Variants in PAQR5 observed in about 807,000 individuals in gnomAD.
PAQR5 encodes progestin and adipoQ receptor family member 5, also known as membrane progestin receptor gamma.
A neutral mutation model predicts 34.5 loss-of-function variants in PAQR5; 20 were observed. The ratio of observed to expected loss-of-function variants is 0.58; its 90% confidence interval spans 0.41 to 0.84. PAQR5 has a LOEUF of 0.84. Among genes scored for constraint, PAQR5 ranks in the 40% least tolerant of loss-of-function variants. PAQR5 has a pLI of 0.00. For missense variants in PAQR5, 378 were observed against 412.7 expected (o/e 0.92, Z 0.73); for synonymous variants, 131 against 155.6 (o/e 0.84, Z 1.18).
intron 4 of PAQR5, chr15:69,380,341 G>A: frequency 4.1e-6 from 1 of 242,104 alleles, no homozygotes; most frequent in African/African-American, 2.2e-5. Flanking sequence ...CAGGAGCCCT[G>A]GTTAAAATGT....
In PAQR5 at chr15:69,403,981, A is replaced by G. The variant is rs958316366; in HGVS notation, c.*159A>G. ...GTCAAAAATGTTATTCAGCTGGGGAAATTTCTCTAAATGTACACTGATTCT... is the reference window on the plus strand; with the variant it reads ...GTCAAAAATGTTATTCAGCTGGGGAGATTTCTCTAAATGTACACTGATTCT... On this transcript the variant is annotated 3_prime_UTR_variant, in exon 9 of 9. Coordinates refer to ENST00000395407, the MANE Select transcript of PAQR5 (RefSeq NM_017705.4). 17 of 725,706 alleles carry G rather than the reference A, an allele frequency of 2.3e-5. No homozygotes were observed. In the Middle Eastern group the frequency reaches 1.2e-3, roughly 51 times the overall value. 45.0% of individuals were successfully genotyped at this position (725,706 alleles called of 1,614,324 possible). A position where few individuals can be genotyped will look rare whatever the true frequency, so the allele number is the denominator to read the frequency against.
intron 1 of PAQR5, among the ~76,000 whole-genome samples, chr15:69,330,724 T>C (rs545695551): frequency 6.6e-6 from 1 of 152,220 alleles, no homozygotes; most frequent in Non-Finnish European, 1.5e-5. Context: ...GCTCCAGGAA[T>C]GCTTGGGGAG....
In PAQR5 at chr15:69,346,895, C is replaced by T. The variant is rs534653586; in HGVS notation, c.-116+9394C>T. 5.7e-4 allele frequency among the ~76,000 whole-genome samples: 86 copies of T among 152,192 alleles called. 1 individual carries two copies. The South Asian group carries it at 0.017, about 31-fold the overall frequency. ...GCAGTGGTGCAATCTCCACTCACTG[C>T]AAACTCCGCCTCCTGGATTCAAGCA... On this transcript the variant is annotated intron_variant, in intron 2 of 8. Coordinates refer to ENST00000395407, the MANE Select transcript of PAQR5 (RefSeq NM_017705.4).
At chr15:69,335,246 C>CTTTT (rs368833153) in intron 1 of PAQR5, among the ~76,000 whole-genome samples, 3 of 127,942 alleles carry the variant, frequency 2.3e-5, no homozygotes, top group African/African-American at 8.7e-5. Context: ...GAAATTTTAG[C>CTTTT]TTTTTTTTTT....
chr15:69,397,517 G>C lies in PAQR5; in HGVS notation c.562G>C (p.Ala188Pro). The change falls in exon 7 of 9, where the codon GCC becomes CCC. Residue 188 changes from alanine (A) to proline (P), a missense_variant. Physicochemically the swap from Ala to Pro is conservative, Grantham distance 27. Coordinates refer to ENST00000395407, the MANE Select transcript of PAQR5 (RefSeq NM_017705.4). ...ACTCTGTAAGGTGATTCGTGTCCTC[G>C]CCTTTGCTTATCCGTACACCTGGGA... Reference protein sequence around the residue: ...PRLCKVIRVLAFAYPYTWDSL... With the variant: ...PRLCKVIRVLPFAYPYTWDSL... 1 of 1,613,884 alleles carries C rather than the reference G, an allele frequency of 6.2e-7. No homozygotes were observed. The highest frequency in any genetic ancestry group is 8.5e-7 in the Non-Finnish European group (1 of 1,179,782).
intron 2 of PAQR5, among the ~76,000 whole-genome samples, chr15:69,347,663 G>A (rs1044746297): frequency 6.6e-6 from 1 of 152,070 alleles, no homozygotes; most frequent in South Asian, 2.1e-4. Context: ...ATATCATAGC[G>A]AGTGACTCAT....
intron 3 of PAQR5, among the ~76,000 whole-genome samples, chr15:69,373,092 A>G (rs1025794307): frequency 6.6e-6 from 1 of 152,114 alleles, no homozygotes; most frequent in African/African-American, 2.4e-5. Flanking sequence ...GCAATGTTGC[A>G]TCTCTCTGAC....
intron 8 of PAQR5, among the ~76,000 whole-genome samples, 162 bp downstream of exon 8, chr15:69,400,277 A>T (rs935892913): frequency 2.0e-5 from 3 of 152,240 alleles, no homozygotes; most frequent in African/African-American, 7.2e-5. Flanking sequence ...TGTCTGCAGC[A>T]GGTGCATTGT....
At chr15:69,330,153 A>G (rs1235606020) in intron 1 of PAQR5, among the ~76,000 whole-genome samples, 1 of 152,194 alleles carries the variant, frequency 6.6e-6, no homozygotes, top group Non-Finnish European at 1.5e-5. Flanking sequence ...CTCCAAGCTT[A>G]GGCAGTCCAG....
chr15:69,315,545 C>T lies in PAQR5; in HGVS notation c.-277+16489C>T, dbSNP rs576463061. ...AGGTGACCACTTTTCCACCTTCTTA[C>T]CCAGCCTTACCTTCTTACCACAGCC... On this transcript the variant is annotated intron_variant, in intron 1 of 8. Transcript: ENST00000395407. Among the ~76,000 whole-genome samples the T allele has an allele frequency of 2.0e-4, 31 of 152,110 alleles. No individual in the cohort carries two copies. The East Asian group carries it at 3.5e-3, about 17-fold the overall frequency.
At chr15:69,349,566 T>C (rs1408496903) in intron 2 of PAQR5, among the ~76,000 whole-genome samples, 1 of 152,164 alleles carries the variant, frequency 6.6e-6, no homozygotes, top group Non-Finnish European at 1.5e-5. Flanking sequence ...TTTGGTTGGT[T>C]GGCTGAAACA....
intron 2 of PAQR5, among the ~76,000 whole-genome samples, chr15:69,344,085 TG>T (rs1178128515): frequency 2.6e-5 from 4 of 152,106 alleles, no homozygotes; most frequent in Non-Finnish European, 5.9e-5. Flanking sequence ...CCACCTGCCT[TG>T]GCCTCCCAAA....
intron 3 of PAQR5, among the ~76,000 whole-genome samples, chr15:69,376,942 C>T (rs1595911435): frequency 6.6e-6 from 1 of 152,162 alleles, no homozygotes; most frequent in African/African-American, 2.4e-5. Context: ...TAGCTTCTGT[C>T]CAGCCACTGC....
intron 6 of PAQR5, among the ~76,000 whole-genome samples, chr15:69,395,682 G>T (rs1449637249): frequency 6.6e-6 from 1 of 152,128 alleles, no homozygotes; most frequent in African/African-American, 2.4e-5. Flanking sequence ...GTTGTGAAGG[G>T]CAGGGTCAGG....
intron 1 of PAQR5, among the ~76,000 whole-genome samples, chr15:69,301,064 C>T (rs982640083): frequency 1.4e-5 from 2 of 148,026 alleles, no homozygotes; most frequent in Admixed American, 1.4e-4. Context: ...AGTGCAAGGG[C>T]GAGATCTCAG....
At chr15:69,370,180 A>G (rs2055520371) in intron 3 of PAQR5, among the ~76,000 whole-genome samples, 2 of 152,210 alleles carry the variant, frequency 1.3e-5, no homozygotes, top group Admixed American at 1.3e-4. Flanking sequence ...CCTTGGTTCC[A>G]CCAGCTGGGT....
chr15:69,363,774 G>A (rs1221654917), intron 3 of PAQR5, among the ~76,000 whole-genome samples: 2 of 151,924 alleles, frequency 1.3e-5, no homozygotes, highest in African/African-American at 4.8e-5. Flanking sequence ...GCTGGGTCTC[G>A]AACTCCTGAC....
Position 69,404,003 on chromosome 15 carries a change from T to A in PAQR5, c.*181T>A. On this transcript the variant is annotated 3_prime_UTR_variant, in exon 9 of 9. Transcript: ENST00000395407. The stretch of plus-strand genomic sequence containing the variant: ...GGAAATTTCTCTAAATGTACACTGA[T>A]TCTGTGTGTGTGATTTTAAAAGGAG... The A allele has an allele frequency of 1.6e-6, 1 of 623,974 alleles. No homozygotes were observed. Among genetic ancestry groups the A allele is most frequent in the Non-Finnish European group, 2.7e-6 (1 of 368,724 alleles). The allele number at this position is 623,974 out of a possible 1,614,324, so 38.7% of individuals were successfully genotyped here. A position where few individuals can be genotyped will look rare whatever the true frequency, so the allele number is the denominator to read the frequency against.
At position 69,321,543 on chromosome 15, in the gene PAQR5, C is replaced by G. The variant is rs563426424; in HGVS notation, c.-276-15798C>G. Among the ~76,000 whole-genome samples, 31 of 152,322 alleles carry G rather than the reference C, an allele frequency of 2.0e-4. No homozygotes were observed. In the South Asian group the frequency reaches 6.0e-3, roughly 30 times the overall value. ...TTAAGAATTGATAATTCCTCATTATCATAAAAGAGCAAATGTTGACATTTT... is the reference window on the plus strand; with the variant it reads ...TTAAGAATTGATAATTCCTCATTATGATAAAAGAGCAAATGTTGACATTTT... On this transcript the variant is annotated intron_variant, in intron 1 of 8. Transcript: ENST00000395407.
Sources: allele counts gnomAD v4.1 joint callset (sites outside exome capture counted in the v4.1 genomes callset), GRCh38; gene constraint gnomAD v4.1.1; transcripts MANE v1.5; gene names NCBI Gene and HGNC (gene_info 2026-07-23, HGNC 2026-07-21).